Variants in CACNA1E observed in about 807,000 individuals in gnomAD.
The protein encoded by CACNA1E is voltage-dependent R-type calcium channel subunit alpha-1E.
A neutral mutation model predicts 259.2 loss-of-function variants in CACNA1E; 40 were observed. The observed-to-expected ratio is 0.15, with a 90% confidence interval of 0.12 to 0.20. The LOEUF is 0.20. Among genes scored for constraint, CACNA1E ranks in the 10% least tolerant of loss-of-function variants. CACNA1E has a pLI of 1.00. For missense variants in CACNA1E, 1,874 were observed against 3,040.1 expected (o/e 0.62, Z 9.02); for synonymous variants, 1,104 against 1,138.5 (o/e 0.97, Z 0.61).
At chr1:181,369,199 A>G (rs377418878) in intron 1 of CACNA1E, among the ~76,000 whole-genome samples, 3 of 152,358 alleles carry the variant, frequency 2.0e-5, no homozygotes, top group African/African-American at 4.8e-5. Context: ...GTTGGCTCCA[A>G]GGTATTTCTA....
intron 8 of CACNA1E, among the ~76,000 whole-genome samples, chr1:181,713,992 A>G (rs913019175): frequency 1.3e-4 from 20 of 152,310 alleles, no homozygotes; most frequent in African/African-American, 4.8e-4. Context: ...ATATTATTTC[A>G]TCATCAACCA....
In CACNA1E at chr1:181,802,558, A is replaced by T. The variant is rs1662353743; in HGVS notation, c.*3724A>T. On this transcript the variant is annotated 3_prime_UTR_variant, in exon 48 of 48. Transcript: ENST00000367573. Reference sequence around the variant, plus strand: ...TGAGATGGTTAATTCCACCCAATCCAAGCTTATTTGCTTGCCTGACTGACT... The same window carrying T: ...TGAGATGGTTAATTCCACCCAATCCTAGCTTATTTGCTTGCCTGACTGACT... 1 of 152,096 alleles carries T rather than the reference A, an allele frequency of 6.6e-6. No individual in the cohort carries two copies. The highest frequency in any genetic ancestry group is 6.5e-5 in the Admixed American group (1 of 15,274). 9.4% of individuals were successfully genotyped at this position (152,096 alleles called of 1,614,324 possible). A position where few individuals can be genotyped will look rare whatever the true frequency, so the allele number is the denominator to read the frequency against.
In CACNA1E at chr1:181,798,380, C is replaced by T. The variant is rs761056113; in HGVS notation, c.6488C>T (p.Pro2163Leu). 11 of 1,613,100 alleles carry T rather than the reference C, an allele frequency of 6.8e-6. No individual in the cohort carries two copies. Among genetic ancestry groups the T allele is most frequent in the Admixed American group, 6.7e-5 (4 of 60,018 alleles). The change falls in exon 48 of 48, where the codon CCG becomes CTG. Residue 2163 changes from proline to leucine, a missense_variant. Transcript: ENST00000367573. This position sits in a 1 kb window ranked among gnomAD's most constrained non-coding sequence, Gnocchi z 4.2. ...RRSRRQLPPV[P>L]PKPRPLLSYS... Reference sequence around the variant, plus strand: ...AGTCGTCGGCAGCTCCCACCCGTCCCGCCAAAGCCCCGGCCCCTCCTTTCC... The same window carrying T: ...AGTCGTCGGCAGCTCCCACCCGTCCTGCCAAAGCCCCGGCCCCTCCTTTCC...
chr1:181,395,037 C>T (rs952378666), intron 1 of CACNA1E, among the ~76,000 whole-genome samples: 3 of 152,140 alleles, frequency 2.0e-5, no homozygotes, highest in African/African-American at 7.2e-5. Context: ...TTAAGAGGCT[C>T]ACGCTGCACA....
intron 3 of CACNA1E, among the ~76,000 whole-genome samples, chr1:181,576,489 T>C (rs563155276): frequency 1.3e-5 from 2 of 152,354 alleles, no homozygotes; most frequent in East Asian, 3.9e-4. Context: ...GGCATGCACT[T>C]TCCATACAGT....
chr1:181,740,024 T>C (rs1008038050), intron 25 of CACNA1E, among the ~76,000 whole-genome samples: 7 of 152,158 alleles, frequency 4.6e-5, no homozygotes, highest in Non-Finnish European at 7.3e-5. Flanking sequence ...TCAGGGCCTT[T>C]TTCCTAACCC....
intron 6 of CACNA1E, among the ~76,000 whole-genome samples, chr1:181,604,817 G>A (rs943191924): frequency 3.9e-5 from 6 of 152,204 alleles, no homozygotes; most frequent in East Asian, 3.9e-4. Flanking sequence ...AACTTGGCCC[G>A]GGGATGCCTT....
At chr1:181,415,494 G>A (rs1033572435) in intron 2 of CACNA1E, among the ~76,000 whole-genome samples, 34 of 152,066 alleles carry the variant, frequency 2.2e-4, no homozygotes, top group African/African-American at 8.2e-4. Flanking sequence ...GAGGTGAGAA[G>A]GAGTAGAAGG....
intron 7 of CACNA1E, among the ~76,000 whole-genome samples, chr1:181,705,232 C>T (rs966500383): frequency 2.6e-5 from 4 of 152,156 alleles, no homozygotes; most frequent in African/African-American, 4.8e-5. Flanking sequence ...TCTTCTCTCC[C>T]CTCATCCCTC....
chr1:181,454,025 G>A (rs779195342), intron 2 of CACNA1E, among the ~76,000 whole-genome samples: 3 of 152,196 alleles, frequency 2.0e-5, no homozygotes, highest in Non-Finnish European at 2.9e-5. Context: ...AGTGCAGAGG[G>A]GAAATGATAC....
rs534896429 is a variant in CACNA1E, at chr1:181,449,328, T to C, written c.435-34416T>C. 2.0e-5 allele frequency among the ~76,000 whole-genome samples: 3 copies of C among 152,340 alleles called. No homozygotes were observed. In the East Asian group the frequency reaches 5.8e-4, roughly 29 times the overall value. On this transcript the variant is annotated intron_variant, in intron 2 of 11. Coordinates refer to the CACNA1E transcript ENST00000524607. ...CTCATGGAGGCTGCAGTTACTTCAG[T>C]CTCATATACACATATATGTGTGCTC...
chr1:181,751,913 A>G (rs1027383237), intron 26 of CACNA1E: 18 of 665,154 alleles, frequency 2.7e-5, no homozygotes, highest in Non-Finnish European at 4.7e-5. Context: ...GTGTACGTGC[A>G]TGTGGATGTG....
intron 7 of CACNA1E, among the ~76,000 whole-genome samples, chr1:181,682,466 G>A (rs940277491): frequency 4.6e-5 from 7 of 152,096 alleles, no homozygotes; most frequent in Admixed American, 2.6e-4. Flanking sequence ...ACTCAGTATG[G>A]CCACCTCTGA....
chr1:181,387,461 G>A (rs1655936770), intron 1 of CACNA1E, among the ~76,000 whole-genome samples: 1 of 152,184 alleles, frequency 6.6e-6, no homozygotes, highest in Non-Finnish European at 1.5e-5. Flanking sequence ...TGCTCTGAAT[G>A]GATTTGGGGG....
intron 7 of CACNA1E, among the ~76,000 whole-genome samples, chr1:181,686,275 G>GTTTTTTTTTTTTTTTTTTTTTT (rs66526388): frequency 1.7e-5 from 1 of 58,670 alleles, no homozygotes; most frequent in African/African-American, 6.2e-5. Flanking sequence ...TAAGAACCAA[G>GTTTTTTTTTTTTTTTTTTTTTT]TTTTTTTTTT....
intron 6 of CACNA1E, among the ~76,000 whole-genome samples, chr1:181,646,721 C>T (rs1408855752): frequency 6.6e-6 from 1 of 152,156 alleles, no homozygotes; most frequent in Non-Finnish European, 1.5e-5. Flanking sequence ...TTTCCTCCTG[C>T]TTGCTCTATC....
intron 6 of CACNA1E, among the ~76,000 whole-genome samples, chr1:181,617,372 C>G (rs1317151224): frequency 1.3e-5 from 2 of 151,812 alleles, no homozygotes; most frequent in South Asian, 2.1e-4. Context: ...CATCCTAAGT[C>G]TTCCGCCAGA....
At chr1:181,709,229 G>T (rs555483743) in intron 7 of CACNA1E, among the ~76,000 whole-genome samples, 144 of 152,344 alleles carry the variant, frequency 9.5e-4, no homozygotes, top group African/African-American at 3.4e-3. Flanking sequence ...AAAGTAGAAA[G>T]GAGGCATCCC....
At chr1:181,434,687 A>T (rs1659953203) in intron 2 of CACNA1E, among the ~76,000 whole-genome samples, 1 of 152,212 alleles carries the variant, frequency 6.6e-6, no homozygotes, top group South Asian at 2.1e-4. Context: ...TGAGGAGTTC[A>T]ATCAAAATTC....
Sources: gnomAD v4.1 joint callset for allele counts (sites outside exome capture counted in the v4.1 genomes callset) on GRCh38, gnomAD v4.1.1 for gene constraint, Gnocchi (gnomAD v3.1) non-coding constraint, MANE v1.5 for transcripts, NCBI Gene and HGNC (gene_info 2026-07-23, HGNC 2026-07-21) for gene names.